Variants in ZMYND8 observed in about 807,000 individuals in gnomAD.
ZMYND8 encodes MYND-type zinc finger-containing chromatin reader ZMYND8.
ZMYND8 carries 37 observed loss-of-function variants against 140.8 expected under a neutral mutation model. The ratio of observed to expected loss-of-function variants is 0.26; its 90% CI spans 0.20 to 0.35. The LOEUF (loss-of-function observed/expected upper bound fraction) is 0.35. Among genes scored for constraint, ZMYND8 ranks in the 10% least tolerant of loss-of-function variants. The pLI, the probability that ZMYND8 is intolerant of heterozygous loss-of-function variation, is 1.00. For synonymous variants in ZMYND8, 592 were observed against 597.1 expected, an observed-to-expected ratio of 0.99 and a Z score of 0.12; for missense variants, 1,068 against 1,570.0, an observed-to-expected ratio of 0.68 and a Z score of 5.40.
intron 2 of ZMYND8, among the ~76,000 whole-genome samples, chr20:47,322,057 C>T (rs1046836655): frequency 4.6e-5 from 7 of 151,764 alleles, no homozygotes; most frequent in Non-Finnish European, 7.4e-5. Context: ...GAAGGGGTCT[C>T]GCCATGTTGC....
chr20:47,303,273 C>T, intron 3 of ZMYND8, among the ~76,000 whole-genome samples: 1 of 152,086 alleles, frequency 6.6e-6, no homozygotes, highest in Admixed American at 6.6e-5. Flanking sequence ...AACTATTTCC[C>T]TTCTTTTTCT....
chr20:47,287,127 A>G, intron 8 of ZMYND8, 102 bp downstream of exon 8: 1 of 1,074,772 alleles, frequency 9.3e-7, no homozygotes, highest in Non-Finnish European at 1.4e-6. Context: ...AAATTCCAAA[A>G]TCACCTCGGC....
At chr20:47,264,548 A>T (rs570990863) in intron 11 of ZMYND8, among the ~76,000 whole-genome samples, 41 of 152,222 alleles carry the variant, frequency 2.7e-4, no homozygotes, top group African/African-American at 9.9e-4. Context: ...AAGTGCTGGG[A>T]TTACAGCCAT....
At chr20:47,293,153 AGGGAGGGAGGGAGGGAGGGAGG>A (rs2077394704) in intron 5 of ZMYND8, among the ~76,000 whole-genome samples, 1 of 47,668 alleles carries the variant, frequency 2.1e-5, no homozygotes, top group Non-Finnish European at 3.7e-5. Context: ...GAAGGAAGGG[AGGGAGGGAGGGAGGGAGGGAGG>A]GAGGGAGGGA....
At chr20:47,278,544 G>A (rs2076396413) in intron 10 of ZMYND8, among the ~76,000 whole-genome samples, 4 of 151,778 alleles carry the variant, frequency 2.6e-5, no homozygotes, top group Admixed American at 1.3e-4. Context: ...GCATCTAAGA[G>A]AAAACAACCC....
chr20:47,236,856 C>G (rs1401348214), intron 15 of ZMYND8, among the ~76,000 whole-genome samples: 2 of 152,160 alleles, frequency 1.3e-5, no homozygotes, highest in African/African-American at 4.8e-5. Context: ...ACCTCAGCAT[C>G]CCAGTGTCTA....
chr20:47,292,552 AT>A (rs970178226), intron 5 of ZMYND8, among the ~76,000 whole-genome samples: 3 of 152,042 alleles, frequency 2.0e-5, no homozygotes, highest in Non-Finnish European at 2.9e-5. Context: ...CATGCTCTAA[AT>A]TTTTTTTATC....
Position 47,292,606 on chromosome 20 carries a change from CT to C in ZMYND8, c.568-719del, listed in dbSNP as rs961609621. Among the ~76,000 whole-genome samples the C allele has an allele frequency of 8.7e-4, 130 of 149,052 alleles. 1 individual carries two copies. Among genetic ancestry groups the C allele is most frequent in the Middle Eastern group, 6.8e-3 (2 of 292 alleles). ...GAATATAATCTCAAAGCAAAAGCTT[CT>C]TTTTTTTTTAAAGATATAAAACCAC... is the stretch of plus-strand genomic sequence containing the variant. On this transcript the variant is annotated intron_variant, in intron 5 of 22. Transcript: ENST00000471951.
chr20:47,320,841 T>C (rs1294538033), intron 2 of ZMYND8: 1 of 152,220 alleles, frequency 6.6e-6, no homozygotes, highest in East Asian at 1.9e-4. Flanking sequence ...GGGTAGCCAC[T>C]GCAACAGGGC....
intron 2 of ZMYND8, among the ~76,000 whole-genome samples, chr20:47,317,528 G>A (rs546048102): frequency 9.8e-5 from 15 of 152,312 alleles, no homozygotes; most frequent in African/African-American, 2.6e-4. Flanking sequence ...CTGAAAGGCC[G>A]GGAGCTTCTT....
At chr20:47,266,136 A>G (rs1396244208) in intron 11 of ZMYND8, among the ~76,000 whole-genome samples, 1 of 151,950 alleles carries the variant, frequency 6.6e-6, no homozygotes, top group East Asian at 1.9e-4. Context: ...TCCTATGTCC[A>G]CCTCCTAGTG....
intron 3 of ZMYND8, among the ~76,000 whole-genome samples, chr20:47,304,432 T>C (rs1421163009): frequency 6.6e-6 from 1 of 152,230 alleles, no homozygotes; most frequent in Non-Finnish European, 1.5e-5. Flanking sequence ...AGTACATAAA[T>C]GAATGACTGT....
At chr20:47,254,979 A>T (rs967233762) in intron 12 of ZMYND8, among the ~76,000 whole-genome samples, 2 of 152,224 alleles carry the variant, frequency 1.3e-5, no homozygotes, top group African/African-American at 4.8e-5. Context: ...CCCCATCTCT[A>T]CTAAAAATAC....
chr20:47,287,275 T>C lies in ZMYND8; in HGVS notation c.758A>G (p.Lys253Arg). 6.2e-7 allele frequency: 1 copy of C among 1,613,686 alleles called. No homozygotes were observed. Among genetic ancestry groups the C allele is most frequent in the Non-Finnish European group, 8.5e-7 (1 of 1,179,590 alleles). The change falls in exon 8 of 23, where the codon AAA becomes AGA. Residue 253 changes from lysine (K) to arginine (R), a missense_variant. Lys to Arg is a conservative substitution (Grantham distance 26, BLOSUM62 2). Coordinates refer to ENST00000471951, the MANE Select transcript of ZMYND8 (RefSeq NM_001281775.3). ...NCIIYNGGNH[K>R]LTQIAKVVIK... ...GACTACTTTCGCTATTTGCGTCAATTTGTGATTTCCTAAGGGAATAAGAAA... is the reference window on the plus strand; with the variant it reads ...GACTACTTTCGCTATTTGCGTCAATCTGTGATTTCCTAAGGGAATAAGAAA...
At chr20:47,271,960 G>C (rs1308723326) in intron 11 of ZMYND8, among the ~76,000 whole-genome samples, 3 of 151,658 alleles carry the variant, frequency 2.0e-5, no homozygotes, top group Non-Finnish European at 4.4e-5. Context: ...TGGAATTACA[G>C]GCATGAGCCA....
intron 11 of ZMYND8, among the ~76,000 whole-genome samples, chr20:47,274,184 C>T (rs1256281521): frequency 6.6e-6 from 1 of 152,186 alleles, no homozygotes; most frequent in Non-Finnish European, 1.5e-5. Context: ...TCCTATAAAA[C>T]TGAATTTTTT....
intron 12 of ZMYND8, among the ~76,000 whole-genome samples, chr20:47,260,875 T>C (rs533820873): frequency 5.3e-5 from 8 of 152,256 alleles, no homozygotes; most frequent in East Asian, 1.9e-4. Flanking sequence ...GCACAGCACA[T>C]AATAGATGTT....
At chr20:47,254,002 G>A (rs778019606) in intron 12 of ZMYND8, among the ~76,000 whole-genome samples, 5 of 152,342 alleles carry the variant, frequency 3.3e-5, no homozygotes, top group Admixed American at 1.3e-4. Flanking sequence ...TTAGCCGAAT[G>A]TAATGATCTT....
intron 3 of ZMYND8, among the ~76,000 whole-genome samples, chr20:47,306,697 A>G (rs2078513202): frequency 6.6e-6 from 1 of 151,858 alleles, no homozygotes; most frequent in Non-Finnish European, 1.5e-5. Flanking sequence ...CAACCTCCCA[A>G]GTAGCTGGGA....
Sources: gnomAD v4.1 joint callset for allele counts (sites outside exome capture counted in the v4.1 genomes callset) on GRCh38, gnomAD v4.1.1 for gene constraint, MANE v1.5 for transcripts, NCBI Gene and HGNC (gene_info 2026-07-23, HGNC 2026-07-21) for gene names.